Variants in UBE2H observed in about 807,000 individuals in gnomAD.
UBE2H encodes ubiquitin-conjugating enzyme E2 H.
In UBE2H, 3 loss-of-function variants were observed where a neutral mutation model predicts 29.0. The observed-to-expected ratio is 0.10, with a 90% CI of 0.05 to 0.27. The LOEUF (loss-of-function observed/expected upper bound fraction) is 0.27, where lower values mean the gene tolerates loss of function less well. Among genes scored for constraint, UBE2H ranks in the 10% least tolerant of loss-of-function variants. The pLI is 1.00. For missense variants in UBE2H, 68 were observed against 228.2 expected (o/e 0.30, Z 4.52); for synonymous variants, 69 against 82.9 (o/e 0.83, Z 0.91).
chr7:129,859,897 T>C (rs2727496), intron 3 of UBE2H, among the ~76,000 whole-genome samples: 143,524 of 151,700 alleles, frequency 0.95, 68,275 homozygotes, highest in East Asian at 1. Context: ...CTCTCTCTCA[T>C]ATTCATTCAG....
chr7:129,902,482 A>C (rs151085461), intron 1 of UBE2H, among the ~76,000 whole-genome samples: 2,785 of 152,336 alleles, frequency 0.018, 98 homozygotes, highest in African/African-American at 0.063. Context: ...CCTGGGCGAC[A>C]GAGCGAGACT....
Position 129,833,187 on chromosome 7 carries a change from C to T in UBE2H, c.*1750G>A, listed in dbSNP as rs1217463183. 6.6e-6 allele frequency: 1 copy of T among 152,150 alleles called. No homozygotes were observed. The highest frequency in any genetic ancestry group is 1.9e-4 in the East Asian group (1 of 5,194). The allele number at this position is 152,150 out of a possible 1,614,324, so 9.4% of individuals were successfully genotyped here. ...TTGTCTTTTTATTTAGGAAAATAAT[C>T]ATGCTAAAAGCAAGTTGTACTTTAT... On this transcript the variant is annotated 3_prime_UTR_variant, in exon 7 of 7. Transcript: ENST00000355621.
At chr7:129,886,552 TAAC>T (rs1806362879) in intron 1 of UBE2H, among the ~76,000 whole-genome samples, 1 of 152,102 alleles carries the variant, frequency 6.6e-6, no homozygotes, top group Admixed American at 6.5e-5. Flanking sequence ...AATTTACTGA[TAAC>T]AAGTTCATAA....
intron 1 of UBE2H, among the ~76,000 whole-genome samples, chr7:129,910,455 C>G (rs566632235): frequency 6.6e-6 from 1 of 152,054 alleles, no homozygotes; most frequent in Non-Finnish European, 1.5e-5. Flanking sequence ...TATCTTTGAC[C>G]GATGGTAGGA....
chr7:129,947,599 A>T (rs62489380), intron 1 of UBE2H, among the ~76,000 whole-genome samples: 363 of 152,340 alleles, frequency 2.4e-3, no homozygotes, highest in Non-Finnish European at 3.6e-3. Context: ...AATTTTTTTA[A>T]ACAGGTGTAC....
At chr7:129,851,931 ATTTC>A (rs1563022267) in intron 5 of UBE2H, among the ~76,000 whole-genome samples, 1 of 152,188 alleles carries the variant, frequency 6.6e-6, no homozygotes, top group African/African-American at 2.4e-5. Context: ...AACTGAGCAC[ATTTC>A]TTTATTATGT....
chr7:129,917,615 G>A (rs540163417), intron 1 of UBE2H, among the ~76,000 whole-genome samples: 37 of 152,304 alleles, frequency 2.4e-4, no homozygotes, highest in South Asian at 6.2e-4. Context: ...CATGGTTCAC[G>A]CAGTAAAAGG....
intron 5 of UBE2H, among the ~76,000 whole-genome samples, chr7:129,845,128 A>G (rs975597456): frequency 8.5e-5 from 13 of 152,158 alleles, no homozygotes; most frequent in Non-Finnish European, 1.8e-4. Flanking sequence ...AGACTCCCAA[A>G]TCATAAACAA....
chr7:129,835,909 A>C (rs1805316324), intron 6 of UBE2H, among the ~76,000 whole-genome samples: 1 of 152,240 alleles, frequency 6.6e-6, no homozygotes, highest in Admixed American at 6.5e-5. Context: ...TAGGAAGATA[A>C]GCTGAATGGC....
At chr7:129,916,496 C>T (rs978735225) in intron 1 of UBE2H, among the ~76,000 whole-genome samples, 3 of 145,326 alleles carry the variant, frequency 2.1e-5, no homozygotes, top group Non-Finnish European at 3.0e-5. Context: ...AAAAAGCCTA[C>T]CAAAAATCAA....
At chr7:129,889,454 C>T (rs1806429931) in intron 1 of UBE2H, among the ~76,000 whole-genome samples, 2 of 152,212 alleles carry the variant, frequency 1.3e-5, no homozygotes, top group Non-Finnish European at 2.9e-5. Flanking sequence ...AATCAATCTT[C>T]TAATTTCTAA....
At chr7:129,917,811 AG>A (rs1453560420) in intron 1 of UBE2H, among the ~76,000 whole-genome samples, 1 of 140,150 alleles carries the variant, frequency 7.1e-6, no homozygotes, top group Non-Finnish European at 1.6e-5. Flanking sequence ...CTACCTGCAT[AG>A]GATTCTCCTA....
intron 5 of UBE2H, among the ~76,000 whole-genome samples, chr7:129,841,045 C>A (rs560301916): frequency 2.0e-5 from 3 of 152,278 alleles, no homozygotes; most frequent in Middle Eastern, 3.4e-3. Flanking sequence ...CACAGGACAG[C>A]CCCACAACAA....
intron 1 of UBE2H, among the ~76,000 whole-genome samples, chr7:129,925,645 A>G (rs1217551000): frequency 6.6e-6 from 1 of 152,176 alleles, no homozygotes; most frequent in East Asian, 1.9e-4. Context: ...CTAGCTCAGG[A>G]TGATCAGGGC....
At chr7:129,903,598 A>ACAAAAAT (rs201692873) in intron 1 of UBE2H, among the ~76,000 whole-genome samples, 9,494 of 152,258 alleles carry the variant, frequency 0.062, 358 homozygotes, top group Non-Finnish European at 0.091. Flanking sequence ...CGCCATATCT[A>ACAAAAAT]CAAAAATTTT....
intron 1 of UBE2H, among the ~76,000 whole-genome samples, chr7:129,910,583 G>A (rs144428437): frequency 6.6e-6 from 1 of 152,062 alleles, no homozygotes; most frequent in Admixed American, 6.6e-5. Context: ...TTTTAGGCAA[G>A]AAGTAGCATA....
chr7:129,916,473 T>C (rs1211895696), intron 1 of UBE2H, among the ~76,000 whole-genome samples: 1 of 30,846 alleles, frequency 3.2e-5, no homozygotes, highest in Non-Finnish European at 6.7e-5. Flanking sequence ...GTTCTAACAA[T>C]TAAAAAAAAA....
intron 6 of UBE2H, among the ~76,000 whole-genome samples, chr7:129,835,289 G>A (rs565747245): frequency 1.3e-5 from 2 of 152,324 alleles, no homozygotes; most frequent in Admixed American, 6.5e-5. Context: ...ATTGGGAAGA[G>A]CAACACAGCA....
chr7:129,839,709 TTTTG>T (rs1195787009), intron 5 of UBE2H: 1 of 255,726 alleles, frequency 3.9e-6, no homozygotes, highest in Non-Finnish European at 7.4e-6. Flanking sequence ...TGTGGGGTTT[TTTTG>T]TTTGTTTTTT....
Sources: allele counts gnomAD v4.1 joint callset (sites outside exome capture counted in the v4.1 genomes callset), GRCh38; gene constraint gnomAD v4.1.1; transcripts MANE v1.5; gene names NCBI Gene and HGNC (gene_info 2026-07-23, HGNC 2026-07-21).